Variants in AGBL4 observed in about 807,000 individuals in gnomAD.
The protein encoded by AGBL4 is cytosolic carboxypeptidase 6.
Under a neutral mutation model 66.4 loss-of-function variants are expected in AGBL4, and 58 were observed. The ratio of observed to expected loss-of-function variants is 0.87; its 90% CI spans 0.71 to 1.09. The LOEUF (loss-of-function observed/expected upper bound fraction) is 1.09. AGBL4 is among the 50% of genes least tolerant of loss of function. AGBL4 has a pLI of 0.00. For missense variants in AGBL4, 579 were observed against 631.0 expected (o/e 0.92, Z 0.88); for synonymous variants, 234 against 222.9 (o/e 1.05, Z -0.44).
chr1:49,465,661 C>T (rs571102353), intron 3 of AGBL4, among the ~76,000 whole-genome samples: 11 of 151,874 alleles, frequency 7.2e-5, no homozygotes, highest in Admixed American at 6.6e-4. Context: ...TACAAGCATT[C>T]CTAAGAAGCA....
At chr1:48,970,043 C>T (rs1442712730) in intron 5 of AGBL4, among the ~76,000 whole-genome samples, 1 of 152,130 alleles carries the variant, frequency 6.6e-6, no homozygotes, top group Non-Finnish European at 1.5e-5. Flanking sequence ...AATTACTTGC[C>T]TAAGATCCTA....
chr1:49,325,601 A>T (rs1645214078), intron 3 of AGBL4, among the ~76,000 whole-genome samples: 1 of 152,198 alleles, frequency 6.6e-6, no homozygotes, highest in Admixed American at 6.5e-5. Flanking sequence ...TTTATGAAGG[A>T]CATTTAATAA....
At chr1:49,819,291 T>C (rs1344371636) in intron 2 of AGBL4, among the ~76,000 whole-genome samples, 2 of 152,234 alleles carry the variant, frequency 1.3e-5, no homozygotes, top group African/African-American at 2.4e-5. Context: ...ATAATTTGGC[T>C]ATCATGACTT....
intron 5 of AGBL4, among the ~76,000 whole-genome samples, chr1:48,996,534 G>T (rs1000388408): frequency 6.6e-6 from 1 of 152,148 alleles, no homozygotes; most frequent in Non-Finnish European, 1.5e-5. Flanking sequence ...TCAGGAAGTA[G>T]GTTGTCAGTT....
chr1:49,240,606 T>C (rs1329596544), intron 4 of AGBL4, among the ~76,000 whole-genome samples: 1 of 150,472 alleles, frequency 6.6e-6, no homozygotes, highest in African/African-American at 2.4e-5. Flanking sequence ...TCCTCCTTTG[T>C]GGGCCTCTTA....
intron 4 of AGBL4, among the ~76,000 whole-genome samples, chr1:49,070,872 C>T (rs1257118831): frequency 6.6e-6 from 1 of 151,964 alleles, no homozygotes; most frequent in South Asian, 2.1e-4. Flanking sequence ...TCTGTCTGTC[C>T]TGGACTTTTT....
At chr1:49,238,370 G>A (rs571045860) in intron 4 of AGBL4, among the ~76,000 whole-genome samples, 1 of 152,134 alleles carries the variant, frequency 6.6e-6, no homozygotes, top group South Asian at 2.1e-4. Flanking sequence ...TTTCTTTTAA[G>A]ACTGTTCTTT....
chr1:48,821,961 A>C (rs1183553344), intron 6 of AGBL4, among the ~76,000 whole-genome samples: 5 of 152,222 alleles, frequency 3.3e-5, no homozygotes, highest in Non-Finnish European at 7.3e-5. Flanking sequence ...CTCATGAAAA[A>C]GTGTTGAACA....
chr1:49,934,569 A>C (rs72905750), intron 1 of AGBL4, among the ~76,000 whole-genome samples: 10,446 of 152,232 alleles, frequency 0.069, 1,126 homozygotes, highest in African/African-American at 0.23. Context: ...AATGGGTCAA[A>C]AAAGAAATTA....
chr1:49,262,405 A>G (rs893276195), intron 3 of AGBL4, among the ~76,000 whole-genome samples: 5 of 152,174 alleles, frequency 3.3e-5, no homozygotes, highest in African/African-American at 7.2e-5. Context: ...CAACCTACTC[A>G]TCTGACAAAG....
chr1:49,830,641 G>C (rs1645645910), intron 2 of AGBL4, among the ~76,000 whole-genome samples: 1 of 152,094 alleles, frequency 6.6e-6, no homozygotes, highest in Admixed American at 6.5e-5. Context: ...TTTGGCTTTT[G>C]TTGCCATTGC....
At chr1:49,118,269 G>C (rs529099775) in intron 4 of AGBL4, among the ~76,000 whole-genome samples, 1 of 152,284 alleles carries the variant, frequency 6.6e-6, no homozygotes, top group African/African-American at 2.4e-5. Flanking sequence ...TAGGAGTGGT[G>C]AGAGAGAGCA....
chr1:49,665,469 G>A (rs1646347282), intron 3 of AGBL4, among the ~76,000 whole-genome samples: 1 of 152,088 alleles, frequency 6.6e-6, no homozygotes, highest in Non-Finnish European at 1.5e-5. Context: ...TTAATTCATA[G>A]TATTTGTGAG....
At chr1:49,129,370 A>T (rs1645836296) in intron 4 of AGBL4, among the ~76,000 whole-genome samples, 2 of 151,712 alleles carry the variant, frequency 1.3e-5, no homozygotes, top group Admixed American at 6.6e-5. Context: ...TGTGCAGGTT[A>T]GTTACATATG....
chr1:49,499,321 G>C (rs1213772624), intron 3 of AGBL4, among the ~76,000 whole-genome samples: 1 of 151,678 alleles, frequency 6.6e-6, no homozygotes, highest in Non-Finnish European at 1.5e-5. Flanking sequence ...TTTCTCCTAA[G>C]TTATCCAATT....
chr1:49,568,600 G>C (rs977272380), intron 3 of AGBL4, among the ~76,000 whole-genome samples: 1 of 150,918 alleles, frequency 6.6e-6, no homozygotes, highest in Non-Finnish European at 1.5e-5. Flanking sequence ...TAAATTCAAT[G>C]CTATCCCTAT....
At chr1:49,445,816 T>G (rs1646141910) in intron 3 of AGBL4, among the ~76,000 whole-genome samples, 1 of 152,118 alleles carries the variant, frequency 6.6e-6, no homozygotes, top group Admixed American at 6.6e-5. Context: ...TGTATCTCAC[T>G]TACCTTCTTT....
rs187810094 is a variant in AGBL4, at chr1:49,386,970, T to A, written c.283-141106A>T. On this transcript the variant is annotated intron_variant, in intron 3 of 13. Coordinates refer to ENST00000371839, the MANE Select transcript of AGBL4 (RefSeq NM_032785.4). ...ATAAAATAACACATATGTGATAGCATTTAATACAGTAGATACTATATAGAG... is the reference window on the plus strand; with the variant it reads ...ATAAAATAACACATATGTGATAGCAATTAATACAGTAGATACTATATAGAG... Among the ~76,000 whole-genome samples the A allele has an allele frequency of 5.3e-5, 8 of 152,098 alleles. No individual in the cohort carries two copies. The East Asian group carries it at 1.5e-3, about 29-fold the overall frequency.
chr1:48,712,119 G>T (rs893819504), intron 6 of AGBL4, among the ~76,000 whole-genome samples: 5 of 151,974 alleles, frequency 3.3e-5, no homozygotes, highest in Non-Finnish European at 7.4e-5. Flanking sequence ...CCAACTCAAG[G>T]CTCCCCTTCT....
Sources: allele counts gnomAD v4.1 joint callset (sites outside exome capture counted in the v4.1 genomes callset), GRCh38; gene constraint gnomAD v4.1.1; transcripts MANE v1.5; gene names NCBI Gene and HGNC (gene_info 2026-07-23, HGNC 2026-07-21).